Variants in NREP observed in about 807,000 individuals in gnomAD.
The protein encoded by NREP is neuronal regeneration-related protein.
In NREP, 5 loss-of-function variants were observed where a neutral mutation model predicts 8.6. That is an observed-to-expected ratio of 0.58 (90% CI 0.30 to 1.22). The LOEUF (loss-of-function observed/expected upper bound fraction) is 1.22, where lower values mean the gene tolerates loss of function less well. Ranked by LOEUF, NREP falls within the 50% of genes most tolerant of loss-of-function variation. NREP has a pLI of 0.07. For missense variants in NREP, 86 were observed against 82.5 expected (o/e 1.04, Z -0.17); for synonymous variants, 27 against 28.0 (o/e 0.96, Z 0.11).
chr5:111,823,979 CTACTT>C (rs1437847953), intron 2 of NREP, among the ~76,000 whole-genome samples: 1 of 152,134 alleles, frequency 6.6e-6, no homozygotes, highest in Non-Finnish European at 1.5e-5. Context: ...AGATAAATAT[CTACTT>C]TAATTGGTTC....
rs60893205 is a variant in NREP at position 111,751,785 on chromosome 5, A to AATC, written c.3+3982_3+3984dup. 1.5e-3 allele frequency among the ~76,000 whole-genome samples: 227 copies of AATC among 152,326 alleles called. 2 individuals are homozygous for AATC. Among genetic ancestry groups the AATC allele is most frequent in the African/African-American group, 5.3e-3 (219 of 41,576 alleles). ...AGCAACATTTGGAATTACCAAGATG[A>AATC]ATCAGACAAAATCAATTTTTTGAGC... On this transcript the variant is annotated intron_variant, in intron 2 of 3. Transcript: ENST00000257435.
chr5:111,940,302 A>T (rs182582168), intron 2 of NREP, among the ~76,000 whole-genome samples: 1 of 152,226 alleles, frequency 6.6e-6, no homozygotes, highest in Admixed American at 6.5e-5. Context: ...AAGATAAAAC[A>T]AAAACAGTTC....
intron 2 of NREP, among the ~76,000 whole-genome samples, chr5:111,857,117 G>T (rs1237219257): frequency 3.3e-5 from 5 of 152,158 alleles, no homozygotes; most frequent in African/African-American, 1.2e-4. Context: ...AAGTGCTTGT[G>T]CTTGATTTAC....
At chr5:111,793,785 A>T (rs1018598408) in intron 2 of NREP, among the ~76,000 whole-genome samples, 1 of 152,198 alleles carries the variant, frequency 6.6e-6, no homozygotes, top group Admixed American at 6.5e-5. Context: ...CTGGCTGGGC[A>T]CAGTGGCTCA....
At position 111,731,404 on chromosome 5, in the gene NREP, C is replaced by CAG. The variant is rs1561626627; in HGVS notation, c.82-359_82-358insCT. ...CCTTAGACTGGGTGATTGATAGATA[C>CAG]TCACAGGAGTGTCAGTTGATAATTA... On this transcript the variant is annotated intron_variant, in intron 3 of 3. Coordinates refer to ENST00000257435, the MANE Select transcript of NREP (RefSeq NM_004772.4). Among the ~76,000 whole-genome samples the CAG allele has an allele frequency of 5.6e-4, 79 of 139,916 alleles. 1 individual carries two copies. The highest frequency in any genetic ancestry group is 2.1e-3 in the African/African-American group (78 of 37,184). 91.8% of individuals were successfully genotyped at this position (139,916 alleles called of 152,430 possible).
At chr5:111,758,941 T>G (rs1199091186), upstream of NREP, among the ~76,000 whole-genome samples, 1 of 152,210 alleles carries the variant, frequency 6.6e-6, no homozygotes, top group Non-Finnish European at 1.5e-5. Context: ...CACTGAAAGC[T>G]TCTCTGAATT....
intron 2 of NREP, among the ~76,000 whole-genome samples, chr5:111,900,625 A>G (rs1465331028): frequency 6.6e-6 from 1 of 152,162 alleles, no homozygotes; most frequent in Non-Finnish European, 1.5e-5. Context: ...AGGGACTATC[A>G]TGAACAACTA....
intron 2 of NREP, among the ~76,000 whole-genome samples, chr5:111,840,086 T>C (rs1348234695): frequency 6.6e-6 from 1 of 152,126 alleles, no homozygotes; most frequent in Non-Finnish European, 1.5e-5. Context: ...ACATAAGTTA[T>C]TTAGCGATTT....
At chr5:111,784,604 G>T (rs903964760) in intron 2 of NREP, among the ~76,000 whole-genome samples, 4 of 152,118 alleles carry the variant, frequency 2.6e-5, no homozygotes, top group African/African-American at 9.7e-5. Context: ...AGATGTTGAA[G>T]AAATATTATT....
intron 2 of NREP, among the ~76,000 whole-genome samples, chr5:111,782,843 T>G (rs1751524503): frequency 6.6e-6 from 1 of 151,904 alleles, no homozygotes; most frequent in Non-Finnish European, 1.5e-5. Context: ...CAAGCAATTC[T>G]CATGCCTCAG....
chr5:111,802,909 G>A (rs562603251), intron 2 of NREP, among the ~76,000 whole-genome samples: 1 of 152,216 alleles, frequency 6.6e-6, no homozygotes, highest in African/African-American at 2.4e-5. Context: ...CCCAAAGAAA[G>A]AAGCTGAAAG....
chr5:111,762,514 C>T (rs1006622219), upstream of NREP, among the ~76,000 whole-genome samples: 1 of 151,654 alleles, frequency 6.6e-6, no homozygotes, highest in South Asian at 2.1e-4. Context: ...CAGAATGTGA[C>T]TGTATTTGGA....
At chr5:111,972,381 C>T (rs140110410) in intron 2 of NREP, among the ~76,000 whole-genome samples, 10 of 152,262 alleles carry the variant, frequency 6.6e-5, no homozygotes, top group East Asian at 5.8e-4. Flanking sequence ...CATATTTCTA[C>T]GTCTGTGGAT....
chr5:111,783,380 G>T (rs1163959558), intron 2 of NREP, among the ~76,000 whole-genome samples: 1 of 152,140 alleles, frequency 6.6e-6, no homozygotes, highest in Non-Finnish European at 1.5e-5. Flanking sequence ...TTGGGGAAAA[G>T]ATACACTAGG....
chr5:111,921,896 T>C (rs1252020836), intron 2 of NREP, among the ~76,000 whole-genome samples: 1 of 151,890 alleles, frequency 6.6e-6, no homozygotes, highest in African/African-American at 2.4e-5. Flanking sequence ...GGGTTTCCAC[T>C]TTTGCTTCTT....
intron 2 of NREP, among the ~76,000 whole-genome samples, chr5:111,813,412 T>G (rs1049408233): frequency 6.6e-6 from 1 of 152,186 alleles, no homozygotes; most frequent in East Asian, 1.9e-4. Flanking sequence ...ATCCTGTGAG[T>G]TAGTAATCAT....
intron 2 of NREP, among the ~76,000 whole-genome samples, chr5:111,859,217 G>A (rs1013269821): frequency 6.6e-6 from 1 of 152,086 alleles, no homozygotes; most frequent in Non-Finnish European, 1.5e-5. Context: ...ATCTAGGAAG[G>A]AGTCATTCTG....
intron 2 of NREP, among the ~76,000 whole-genome samples, chr5:111,849,589 G>A (rs568098477): frequency 5.3e-5 from 8 of 152,198 alleles, no homozygotes; most frequent in African/African-American, 1.9e-4. Flanking sequence ...GAGTTACATA[G>A]GCTTTTTTAG....
At chr5:111,731,516 G>A (rs912809484) in intron 3 of NREP, among the ~76,000 whole-genome samples, 6 of 151,384 alleles carry the variant, frequency 4.0e-5, no homozygotes, top group Non-Finnish European at 7.4e-5. Context: ...ATTTAAAAAC[G>A]TATCTCAACT....
Sources: allele counts gnomAD v4.1 joint callset (sites outside exome capture counted in the v4.1 genomes callset), GRCh38; gene constraint gnomAD v4.1.1; transcripts MANE v1.5; gene names NCBI Gene and HGNC (gene_info 2026-07-23, HGNC 2026-07-21).